The following MBOAT2 variants were observed in gnomAD, a reference collection of about 807,000 sequenced individuals.
MBOAT2 encodes membrane bound glycerophospholipid O-acyltransferase 2, also known as membrane-bound glycerophospholipid O-acyltransferase 2.
MBOAT2 carries 28 observed loss-of-function variants against 63.4 expected under a neutral mutation model. The ratio of observed to expected loss-of-function variants is 0.44; its 90% CI spans 0.33 to 0.61. MBOAT2 has a LOEUF of 0.61. Among genes scored for constraint, MBOAT2 ranks in the 20% least tolerant of loss-of-function variants. The pLI is 0.03. For synonymous variants in MBOAT2, 211 were observed against 215.6 expected (o/e 0.98, Z 0.19); for missense variants, 470 against 605.8 (o/e 0.78, Z 2.35).
intron 1 of MBOAT2, among the ~76,000 whole-genome samples, chr2:8,959,114 T>C (rs1669436988): frequency 1.3e-5 from 2 of 152,104 alleles, no homozygotes; most frequent in African/African-American, 4.8e-5. Context: ...GCCTGGAGGA[T>C]CTGGTGGGAT....
At position 8,943,318 on chromosome 2, in the gene MBOAT2, G is replaced by T; in HGVS notation, c.222-54C>A. Reference sequence around the variant, plus strand: ...AGGGATGCCAAGTCACAAACATCAAGCTGAAGTGAATTAAGCTAAAAAATA... The same window carrying T: ...AGGGATGCCAAGTCACAAACATCAATCTGAAGTGAATTAAGCTAAAAAATA... On this transcript the variant is annotated intron_variant, in intron 2 of 12. Transcript: ENST00000305997. The T allele has an allele frequency of 1.1e-5, 12 of 1,115,788 alleles. 1 individual carries two copies. The highest frequency in any genetic ancestry group is 2.6e-6 in the Non-Finnish European group (2 of 773,698). 69.1% of individuals were successfully genotyped at this position (1,115,788 alleles called of 1,614,324 possible).
rs564071202 is a variant in MBOAT2, at chr2:8,941,899, AATGT to A, written c.299+1284_299+1287del. Among the ~76,000 whole-genome samples the A allele has an allele frequency of 1.6e-3, 243 of 152,308 alleles. 1 individual carries two copies. Among genetic ancestry groups the A allele is most frequent in the Middle Eastern group, 3.4e-3 (1 of 294 alleles). ...AGCATATTACTTTTGCTTTGGCCAA[AATGT>A]ATGTAAGTCCCCTATTTTCAGTAAT... On this transcript the variant is annotated intron_variant, in intron 3 of 12. Coordinates refer to ENST00000305997, the MANE Select transcript of MBOAT2 (RefSeq NM_138799.4).
rs906959439 is a variant in MBOAT2 at position 8,995,793 on chromosome 2, G to A, written c.75+7747C>T. Reference sequence around the variant, plus strand: ...GTTTTAGTAGAGACGGGGTTTCACCGTGTTAGCCAGAATGGTCTCGATCTC... The same window carrying A: ...GTTTTAGTAGAGACGGGGTTTCACCATGTTAGCCAGAATGGTCTCGATCTC... On this transcript the variant is annotated intron_variant, in intron 1 of 12. Coordinates refer to ENST00000305997, the MANE Select transcript of MBOAT2 (RefSeq NM_138799.4). Among the ~76,000 whole-genome samples the A allele has an allele frequency of 4.7e-4, 71 of 152,130 alleles. 1 individual carries two copies. Among genetic ancestry groups the A allele is most frequent in the East Asian group, 7.8e-4 (4 of 5,156 alleles).
intron 5 of MBOAT2, among the ~76,000 whole-genome samples, chr2:8,886,157 C>T (rs1490848120): frequency 2.6e-5 from 4 of 152,192 alleles, no homozygotes; most frequent in African/African-American, 9.7e-5. Flanking sequence ...GGGTGCTGAG[C>T]GTCTAAAGAG....
Position 8,884,048 on chromosome 2 carries a change from C to G in MBOAT2, c.452-1483G>C, listed in dbSNP as rs1297014110. ...GACCAGCCTGGCCAACATGGTGAAA[C>G]CTTGTCTTTACTAAAAAAAAAAAAA... On this transcript the variant is annotated intron_variant, in intron 5 of 12. Transcript: ENST00000305997. Among the ~76,000 whole-genome samples the G allele has an allele frequency of 2.0e-5, 3 of 146,914 alleles. No individual in the cohort carries two copies. The South Asian group carries it at 6.4e-4, about 31-fold the overall frequency.
intron 3 of MBOAT2, among the ~76,000 whole-genome samples, chr2:8,924,706 CTT>C (rs752934933): frequency 2.6e-4 from 36 of 139,332 alleles, no homozygotes; most frequent in African/African-American, 3.4e-4. Flanking sequence ...GGTTCAGCTG[CTT>C]TTTTTTTTTT....
chr2:8,990,859 C>T (rs1051951440), intron 1 of MBOAT2, among the ~76,000 whole-genome samples: 2 of 152,164 alleles, frequency 1.3e-5, no homozygotes, highest in Admixed American at 6.5e-5. Flanking sequence ...TAACTAGTCT[C>T]ATCGTACAAG....
intron 1 of MBOAT2, among the ~76,000 whole-genome samples, chr2:8,987,715 T>TAGG (rs933553393): frequency 6.6e-6 from 1 of 152,156 alleles, no homozygotes; most frequent in Admixed American, 6.5e-5. Flanking sequence ...TTCAAACACC[T>TAGG]ACACAAGGCA....
intron 4 of MBOAT2, among the ~76,000 whole-genome samples, chr2:8,890,471 C>T (rs1663909895): frequency 6.6e-6 from 1 of 152,176 alleles, no homozygotes; most frequent in African/African-American, 2.4e-5. Context: ...TTGTTCACCA[C>T]TGAATCTCCA....
chr2:8,976,994 C>A (rs1229768633), intron 1 of MBOAT2, among the ~76,000 whole-genome samples: 6 of 151,996 alleles, frequency 3.9e-5, no homozygotes, highest in Non-Finnish European at 8.8e-5. Flanking sequence ...CCAAACTAAT[C>A]TATAGTGACA....
chr2:8,960,074 C>T (rs1190596287), intron 1 of MBOAT2, among the ~76,000 whole-genome samples: 2 of 152,152 alleles, frequency 1.3e-5, no homozygotes, highest in African/African-American at 4.8e-5. Context: ...TTCTTTAAAA[C>T]AGACTCAATA....
chr2:8,995,893 C>T (rs1460384374), intron 1 of MBOAT2, among the ~76,000 whole-genome samples: 1 of 152,198 alleles, frequency 6.6e-6, no homozygotes, highest in Non-Finnish European at 1.5e-5. Context: ...GCCCGGCCTA[C>T]ATTCCATTTT....
At chr2:8,869,553 T>A (rs1662162774) in intron 8 of MBOAT2, among the ~76,000 whole-genome samples, 1 of 152,194 alleles carries the variant, frequency 6.6e-6, no homozygotes, top group Non-Finnish European at 1.5e-5. Context: ...TATACAGACA[T>A]GTATCCTTAA....
At chr2:8,933,293 T>C (rs547391184) in intron 3 of MBOAT2, among the ~76,000 whole-genome samples, 2 of 152,348 alleles carry the variant, frequency 1.3e-5, no homozygotes, top group African/African-American at 4.8e-5. Flanking sequence ...CAGTAATATA[T>C]AATTATTTTC....
intron 4 of MBOAT2, 35 bp downstream of exon 4, chr2:8,908,586 T>C (rs1215275128): frequency 1.6e-6 from 2 of 1,236,998 alleles, no homozygotes; most frequent in Non-Finnish European, 2.4e-6. Flanking sequence ...TTGGAATGGA[T>C]AAAACAGGCT....
Position 8,862,184 on chromosome 2 carries a change from C to A in MBOAT2, c.1185+406G>T. Reference sequence around the variant, plus strand: ...GTCCTCTTCCAGTGTGGCTCATCCACTGTCTTGGCCTCGCACAGCCTAGTC... The same window carrying A: ...GTCCTCTTCCAGTGTGGCTCATCCAATGTCTTGGCCTCGCACAGCCTAGTC... On this transcript the variant is annotated intron_variant, in intron 11 of 12. Coordinates refer to ENST00000305997, the MANE Select transcript of MBOAT2 (RefSeq NM_138799.4). This position sits in a 1 kb window ranked among gnomAD's most constrained non-coding sequence, Gnocchi z 4.3. 1 of 678,786 alleles carries A rather than the reference C, an allele frequency of 1.5e-6. No individual in the cohort carries two copies. The highest frequency in any genetic ancestry group is 2.1e-6 in the Non-Finnish European group (1 of 479,610). 42.0% of individuals were successfully genotyped at this position (678,786 alleles called of 1,614,324 possible).
intron 9 of MBOAT2, among the ~76,000 whole-genome samples, chr2:8,865,873 C>T (rs184190229): frequency 1.2e-3 from 186 of 152,224 alleles, no homozygotes; most frequent in Middle Eastern, 6.8e-3. Context: ...GCTGTCTCTG[C>T]TAAAAATACA....
chr2:8,868,330 G>T, intron 9 of MBOAT2, 116 bp downstream of exon 9: 1 of 788,476 alleles, frequency 1.3e-6, no homozygotes, highest in Non-Finnish European at 2.1e-6. Context: ...ATGAAAGAAT[G>T]AGTGTTAATA....
chr2:9,000,156 C>T lies in MBOAT2; in HGVS notation c.75+3384G>A, dbSNP rs112808209. The stretch of plus-strand genomic sequence containing the variant: ...TTCTTCCTCGGACATCAAACAACTG[C>T]TTTTATAATTTCCCAATTTTTCAAA... On this transcript the variant is annotated intron_variant, in intron 1 of 12. Coordinates refer to ENST00000305997, the MANE Select transcript of MBOAT2 (RefSeq NM_138799.4). 5.0e-3 allele frequency among the ~76,000 whole-genome samples: 760 copies of T among 152,308 alleles called. 9 individuals are homozygous for T. The highest frequency in any genetic ancestry group is 0.02 in the South Asian group (97 of 4,826).
Sources: allele counts gnomAD v4.1 joint callset (sites outside exome capture counted in the v4.1 genomes callset), GRCh38; gene constraint gnomAD v4.1.1; non-coding constraint Gnocchi (gnomAD v3.1); transcripts MANE v1.5; gene names NCBI Gene and HGNC (gene_info 2026-07-23, HGNC 2026-07-21).